PRPF40B: variants seen among roughly 807,000 people sequenced by gnomAD.
PRPF40B encodes pre-mRNA-processing factor 40 homolog B.
A neutral mutation model predicts 124.5 loss-of-function variants in PRPF40B; 56 were observed. The observed-to-expected ratio is 0.45, with a 90% CI of 0.36 to 0.56. The LOEUF (loss-of-function observed/expected upper bound fraction) is 0.56. Ranked by LOEUF, PRPF40B falls within the 20% of genes least tolerant of loss-of-function variation. The probability of loss-of-function intolerance (pLI) is 0.00; values close to 1 mark genes in which losing one functional copy is unlikely to be tolerated. For missense variants in PRPF40B, 1,053 were observed against 1,169.5 expected, an observed-to-expected ratio of 0.90 and a Z score of 1.45; for synonymous variants, 443 against 426.4, an observed-to-expected ratio of 1.04 and a Z score of -0.48.
At position 49,631,828 on chromosome 12, in the gene PRPF40B, GTGGT is replaced by G. The variant is rs1449592275; in HGVS notation, c.229-26_229-23del. ...CCCTCCTGTTCCAGCCCTTACCTTG[GTGGT>G]TGGTTTCTGTCTTCTTTGTATCCAT... On this transcript the variant is annotated intron_variant, in intron 3 of 25. Transcript: ENST00000548825. This position sits in a 1 kb window ranked among gnomAD's most constrained non-coding sequence, Gnocchi z 4.3. The G allele has an allele frequency of 3.8e-6, 6 of 1,599,092 alleles. No individual in the cohort carries two copies. The highest frequency in any genetic ancestry group is 5.1e-6 in the Non-Finnish European group (6 of 1,166,874).
At chr12:49,638,222 G>T in intron 18 of PRPF40B, 1 of 183,266 alleles carries the variant, frequency 5.5e-6, no homozygotes, top group Admixed American at 5.5e-5. Flanking sequence ...ATTGTAAACT[G>T]GTAGCACACA....
chr12:49,633,769 C>T, intron 9 of PRPF40B, 108 bp downstream of exon 9: 1 of 1,605,334 alleles, frequency 6.2e-7, no homozygotes, highest in Non-Finnish European at 8.5e-7. Flanking sequence ...AGCTCTGTCT[C>T]CTTGTGGAGT....
rs1269076936 is a variant in PRPF40B, at chr12:49,643,248, T to G, written c.2231T>G (p.Leu744Arg). 1.2e-6 allele frequency: 2 copies of G among 1,614,106 alleles called. No individual in the cohort carries two copies. The highest frequency in any genetic ancestry group is 1.7e-6 in the Non-Finnish European group (2 of 1,180,014). ...GGCTCTGAGTCAGAAGAAGAGGAGCTGCCCCCACCATCTCTCCGGCCCCCC... is the reference window on the plus strand; with the variant it reads ...GGCTCTGAGTCAGAAGAAGAGGAGCGGCCCCCACCATCTCTCCGGCCCCCC... ...PSGSESEEEE[L>R]PPPSLRPPKR... Residue 744 changes from leucine (L) to arginine (R), a missense_variant, in exon 23 of 26, where the codon CTG (leucine) becomes CGG (arginine). Physicochemically the swap from Leu to Arg is moderately radical, Grantham distance 102. Coordinates refer to ENST00000548825, the MANE Select transcript of PRPF40B (RefSeq NM_001031698.3).
At position 49,636,789 on chromosome 12, in the gene PRPF40B, A is replaced by G; in HGVS notation, c.1500A>G (p.Glu500=). 1 of 1,614,212 alleles carries G rather than the reference A, an allele frequency of 6.2e-7. No homozygotes were observed. Among genetic ancestry groups the G allele is most frequent in the Non-Finnish European group, 8.5e-7 (1 of 1,180,046 alleles). The part of the protein sequence containing the change: ...IRALEREEEE[E]RERARLRERR... ...CTTTGGAGAGGGAAGAGGAGGAGGA[A>G]CGGGAGCGGGCCCGGCTTCGGGAGC... Residue 500 remains glutamate (E), a synonymous_variant, in exon 16 of 26, where the codon GAA becomes GAG. Coordinates refer to ENST00000548825, the MANE Select transcript of PRPF40B (RefSeq NM_001031698.3).
chr12:49,635,011 G>C lies in PRPF40B; in HGVS notation c.1002-88G>C. 7.4e-7 allele frequency: 1 copy of C among 1,356,632 alleles called. No homozygotes were observed. The highest frequency in any genetic ancestry group is 1.0e-6 in the Non-Finnish European group (1 of 996,410). The allele number at this position is 1,356,632 out of a possible 1,614,324, so 84.0% of individuals were successfully genotyped here. ...TGTGCCCTTGGAGCCCCTGCAGCCTGCAGTGTCTCATGACCCTCCAGTGTG... is the reference window on the plus strand; with the variant it reads ...TGTGCCCTTGGAGCCCCTGCAGCCTCCAGTGTCTCATGACCCTCCAGTGTG... On this transcript the variant is annotated intron_variant, in intron 12 of 25. Transcript: ENST00000548825. This position sits in a 1 kb window ranked among gnomAD's most constrained non-coding sequence, Gnocchi z 4.1.
rs1394405585 is a variant in PRPF40B at position 49,633,410 on chromosome 12, A to G, written c.460-17A>G. ...CTTGCCCATCCCACTGATGGCTCCT[A>G]TCCCATCCACTTGCAGCTGCTCCTG... On this transcript the variant is annotated splice_polypyrimidine_tract_variant and intron_variant, in intron 7 of 25. Coordinates refer to ENST00000548825, the MANE Select transcript of PRPF40B (RefSeq NM_001031698.3). The G allele has an allele frequency of 6.2e-7, 1 of 1,613,878 alleles. No individual in the cohort carries two copies. The highest frequency in any genetic ancestry group is 8.5e-7 in the Non-Finnish European group (1 of 1,179,966).
At position 49,637,496 on chromosome 12, in the gene PRPF40B, A is replaced by T; in HGVS notation, c.1587A>T (p.Thr529=). 1.1e-5 allele frequency: 17 copies of T among 1,613,644 alleles called. No homozygotes were observed. The highest frequency in any genetic ancestry group is 1.4e-5 in the Non-Finnish European group (16 of 1,179,938). The part of the protein sequence containing the change: ...FQTFLDELHE[T]GQLHSMSTWM... ...CCTTCCTGGACGAGCTGCATGAGAC[A>T]GGGCAGCTGCACTCTATGTCCACCT... The change falls in exon 17 of 26, where the codon ACA becomes ACT. Residue 529 remains threonine, a synonymous_variant. Coordinates refer to ENST00000548825, the MANE Select transcript of PRPF40B (RefSeq NM_001031698.3).
intron 1 of PRPF40B, among the ~76,000 whole-genome samples, chr12:49,630,187 G>A (rs1445582256): frequency 6.6e-6 from 1 of 152,242 alleles, no homozygotes; most frequent in Non-Finnish European, 1.5e-5. Context: ...ATTTGAGAGA[G>A]GCACAGCCTT....
chr12:49,633,479 C>G lies in PRPF40B; in HGVS notation c.512C>G (p.Pro171Arg). ...WKEYKSDTGKPYYYNNQSKES... is the reference protein window; with the variant it reads ...WKEYKSDTGKRYYYNNQSKES... The stretch of plus-strand genomic sequence containing the variant: ...GAGTACAAGTCGGACACAGGCAAAC[C>G]TTATTACTATAACAACCAGAGTAAA... The change falls in exon 8 of 26, where the codon CCT becomes CGT. Residue 171 changes from proline to arginine, a missense_variant. Physicochemically the swap from Pro to Arg is moderately radical, Grantham distance 103. Around this residue, in one of 2 missense-constraint regions of PRPF40B, gnomAD observed 895 missense variants for 1,052.2 expected, o/e 0.85. Coordinates refer to ENST00000548825, the MANE Select transcript of PRPF40B (RefSeq NM_001031698.3). The G allele has an allele frequency of 1.2e-6, 2 of 1,614,188 alleles. No individual in the cohort carries two copies. The highest frequency in any genetic ancestry group is 1.7e-6 in the Non-Finnish European group (2 of 1,180,042).
chr12:49,637,824 G>C lies in PRPF40B; in HGVS notation c.1767G>C (p.Lys589Asn). 6.2e-7 allele frequency: 1 copy of C among 1,601,882 alleles called. No homozygotes were observed. The highest frequency in any genetic ancestry group is 1.1e-5 in the South Asian group (1 of 90,526). ...DEKKIIKDIL[K>N]DRGFCVEVNT... ...AGAAGATCATTAAGGACATCCTTAA[G>C]GTGAGGGAGGCTGGGGTTATGGATG... Residue 589 changes from lysine (K) to asparagine (N), a missense_variant and splice_region_variant, in exon 18 of 26, where the codon AAG becomes AAC. Physicochemically the swap from Lys to Asn is moderately conservative, Grantham distance 94 (BLOSUM62 0). Transcript: ENST00000548825.
At chr12:49,634,122 T>G (rs1941510221) in intron 10 of PRPF40B, 30 bp downstream of exon 10, 1 of 1,603,690 alleles carries the variant, frequency 6.2e-7, no homozygotes, top group South Asian at 1.1e-5. Flanking sequence ...GCATTCCCAA[T>G]GTTGGCCTCA....
At chr12:49,636,668 G>T in intron 15 of PRPF40B, 48 bp from the exon 16 acceptor site, 1 of 1,610,430 alleles carries the variant, frequency 6.2e-7, no homozygotes. Flanking sequence ...GGGTCTGAGA[G>T]GGTATCCTGC....
chr12:49,641,873 T>A, intron 18 of PRPF40B, 35 bp from the exon 19 acceptor site: 1 of 1,588,948 alleles, frequency 6.3e-7, no homozygotes, highest in Non-Finnish European at 8.6e-7. Context: ...CTCAGGCACG[T>A]GGTGCCCCTG....
intron 5 of PRPF40B, 39 bp downstream of exon 5, chr12:49,632,662 G>T (rs1356670374): frequency 2.5e-6 from 4 of 1,611,580 alleles, no homozygotes; most frequent in Non-Finnish European, 3.4e-6. Flanking sequence ...AGGCTCGGAG[G>T]TTGGGGGGCA....
intron 1 of PRPF40B, chr12:49,623,942 G>A (rs1477885166): frequency 1.3e-5 from 14 of 1,119,888 alleles, no homozygotes; most frequent in Non-Finnish European, 1.5e-5. Context: ...CAGGGGACAG[G>A]TGGGGACCAG....
At chr12:49,634,886 GA>G in intron 12 of PRPF40B, 1 of 647,780 alleles carries the variant, frequency 1.5e-6, no homozygotes, top group Non-Finnish European at 2.6e-6. Context: ...AACCCCAAAG[GA>G]AAAGGGCCCA....
chr12:49,642,134 A>G lies in PRPF40B; in HGVS notation c.1885-101A>G. On this transcript the variant is annotated intron_variant, in intron 19 of 25. Transcript: ENST00000548825. The surrounding 1 kb of genome is among the most constrained non-coding windows in gnomAD (Gnocchi z 5.8). ...TATTCCCAATTCAGGGGATGGTGGT[A>G]GAAGCCCAGACCCTAACTTTCCACC... 1 of 1,598,130 alleles carries G rather than the reference A, an allele frequency of 6.3e-7. No homozygotes were observed. Among genetic ancestry groups the G allele is most frequent in the Non-Finnish European group, 8.5e-7 (1 of 1,169,734 alleles).
chr12:49,641,695 GCT>G (rs1466929318), intron 18 of PRPF40B: 3 of 574,582 alleles, frequency 5.2e-6, no homozygotes, highest in African/African-American at 3.7e-5. Context: ...AACCCCTTCA[GCT>G]CTGTGTGACA....
At position 49,635,281 on chromosome 12, in the gene PRPF40B, G is replaced by C. The variant is rs778412450; in HGVS notation, c.1166+18G>C. On this transcript the variant is annotated intron_variant, in intron 13 of 25. Transcript: ENST00000548825. The surrounding 1 kb of genome is among the most constrained non-coding windows in gnomAD (Gnocchi z 4.1). ...CGCTACCGGTCAGGGGGCCAGGCTG[G>C]GCTGGGACTTGGGAACCCTGAGAAC... is the stretch of plus-strand genomic sequence containing the variant. The C allele has an allele frequency of 6.2e-7, 1 of 1,611,192 alleles. No homozygotes were observed. Among genetic ancestry groups the C allele is most frequent in the Non-Finnish European group, 8.5e-7 (1 of 1,178,478 alleles).
Sources: allele counts gnomAD v4.1 joint callset (sites outside exome capture counted in the v4.1 genomes callset), GRCh38; gene constraint gnomAD v4.1.1; regional missense constraint gnomAD v4.1.1; non-coding constraint Gnocchi (gnomAD v3.1); transcripts MANE v1.5; gene names NCBI Gene and HGNC (gene_info 2026-07-23, HGNC 2026-07-21).